ANKS1B: variants seen among roughly 807,000 people sequenced by gnomAD.
ANKS1B encodes the protein ankyrin repeat and sterile alpha motif domain-containing protein 1B.
Under a neutral mutation model 148.3 loss-of-function variants are expected in ANKS1B, and 36 were observed. The observed-to-expected ratio is 0.24, with a 90% CI of 0.19 to 0.32. ANKS1B has a LOEUF of 0.32. Ranked by LOEUF, ANKS1B falls within the 10% of genes least tolerant of loss-of-function variation. The pLI, the probability that ANKS1B is intolerant of heterozygous loss-of-function variation, is 1.00. For synonymous variants in ANKS1B, 542 were observed against 560.8 expected (o/e 0.97, Z 0.47); for missense variants, 1,157 against 1,542.6 (o/e 0.75, Z 4.19).
At chr12:99,659,428 A>T (rs2098465330) in intron 8 of ANKS1B, among the ~76,000 whole-genome samples, 1 of 151,838 alleles carries the variant, frequency 6.6e-6, no homozygotes, top group Non-Finnish European at 1.5e-5. Flanking sequence ...CTAAATCTAT[A>T]CAGTTTGAAC....
chr12:99,350,449 T>C (rs1179580922), intron 12 of ANKS1B, among the ~76,000 whole-genome samples: 1 of 152,016 alleles, frequency 6.6e-6, no homozygotes, highest in East Asian at 1.9e-4. Context: ...AGCACCAAAT[T>C]ATTTAACTTA....
At chr12:98,798,336 T>A (rs2098969511) in intron 22 of ANKS1B, among the ~76,000 whole-genome samples, 1 of 152,024 alleles carries the variant, frequency 6.6e-6, no homozygotes, top group Non-Finnish European at 1.5e-5. Flanking sequence ...GCCAGGCTGG[T>A]CTTGAACTCC....
At chr12:99,857,710 T>C (rs1020585234) in intron 1 of ANKS1B, among the ~76,000 whole-genome samples, 4 of 152,074 alleles carry the variant, frequency 2.6e-5, no homozygotes, top group Non-Finnish European at 5.9e-5. Context: ...TGGAACAGAA[T>C]AGAGAACCCA....
At chr12:99,539,931 T>G (rs1468435713) in intron 9 of ANKS1B, among the ~76,000 whole-genome samples, 1 of 151,800 alleles carries the variant, frequency 6.6e-6, no homozygotes, top group Non-Finnish European at 1.5e-5. Flanking sequence ...CACTTAATAT[T>G]CAAAGACATT....
chr12:99,200,856 G>A (rs891480586), intron 14 of ANKS1B, among the ~76,000 whole-genome samples: 5 of 152,214 alleles, frequency 3.3e-5, no homozygotes, highest in Admixed American at 6.5e-5. Flanking sequence ...TTTCTTGACT[G>A]TATGAAGGAG....
At chr12:99,489,199 G>T (rs1189292987) in intron 10 of ANKS1B, among the ~76,000 whole-genome samples, 1 of 147,234 alleles carries the variant, frequency 6.8e-6, no homozygotes, top group Non-Finnish European at 1.5e-5. Flanking sequence ...CGGAGATGAC[G>T]CCATTGCACT....
chr12:99,655,755 A>C (rs907639610), intron 8 of ANKS1B, among the ~76,000 whole-genome samples: 1 of 152,176 alleles, frequency 6.6e-6, no homozygotes, highest in African/African-American at 2.4e-5. Flanking sequence ...AATCTCACTA[A>C]AATGATGGTA....
intron 14 of ANKS1B, among the ~76,000 whole-genome samples, chr12:99,156,041 A>AATTC (rs1390132212): frequency 1.3e-5 from 2 of 152,178 alleles, no homozygotes; most frequent in Non-Finnish European, 2.9e-5. Context: ...GCCTAATACA[A>AATTC]ATTTATTGAA....
intron 1 of ANKS1B, among the ~76,000 whole-genome samples, chr12:99,916,283 C>T (rs2094168398): frequency 6.6e-6 from 1 of 152,114 alleles, no homozygotes. Context: ...CACCATATGC[C>T]AGTATATACA....
intron 14 of ANKS1B, among the ~76,000 whole-genome samples, chr12:99,241,778 A>G (rs2089382871): frequency 6.6e-6 from 1 of 152,240 alleles, no homozygotes; most frequent in Non-Finnish European, 1.5e-5. Context: ...CATCACATAA[A>G]CAGAACCAAC....
At chr12:99,585,485 A>G (rs1298882341) in intron 9 of ANKS1B, among the ~76,000 whole-genome samples, 1 of 152,000 alleles carries the variant, frequency 6.6e-6, no homozygotes. Flanking sequence ...CAGTGGCTCT[A>G]CCTTCTGGGG....
At chr12:99,247,132 T>C (rs543153604) in intron 12 of ANKS1B, among the ~76,000 whole-genome samples, 2 of 152,308 alleles carry the variant, frequency 1.3e-5, no homozygotes, top group East Asian at 3.9e-4. Flanking sequence ...ATTAATTGAA[T>C]GACTTCATTC....
chr12:99,279,719 A>G (rs2078146265), intron 12 of ANKS1B, among the ~76,000 whole-genome samples: 1 of 152,190 alleles, frequency 6.6e-6, no homozygotes, highest in Non-Finnish European at 1.5e-5. Context: ...ATTACTGAGA[A>G]ATAATAATTA....
At chr12:99,366,242 C>T (rs930822346) in intron 12 of ANKS1B, among the ~76,000 whole-genome samples, 1 of 152,176 alleles carries the variant, frequency 6.6e-6, no homozygotes, top group Non-Finnish European at 1.5e-5. Context: ...GAAGTATCTC[C>T]ATTGATGACT....
chr12:99,465,735 A>G (rs1190187004), intron 10 of ANKS1B, among the ~76,000 whole-genome samples: 1 of 152,234 alleles, frequency 6.6e-6, no homozygotes, highest in African/African-American at 2.4e-5. Context: ...TTCAACAAGA[A>G]GAGCTAACTA....
At chr12:98,804,173 G>T (rs1034043868) in intron 20 of ANKS1B, among the ~76,000 whole-genome samples, 1 of 152,122 alleles carries the variant, frequency 6.6e-6, no homozygotes, top group South Asian at 2.1e-4. Flanking sequence ...ACAAGGAAAA[G>T]AAATATAATA....
At chr12:99,165,618 G>T (rs572349255) in intron 14 of ANKS1B, among the ~76,000 whole-genome samples, 2 of 151,954 alleles carry the variant, frequency 1.3e-5, no homozygotes, top group East Asian at 3.9e-4. Flanking sequence ...TGAAGTAATT[G>T]TATTTGCAGT....
chr12:99,398,171 C>T (rs188859592), intron 12 of ANKS1B, among the ~76,000 whole-genome samples: 8 of 152,170 alleles, frequency 5.3e-5, no homozygotes, highest in East Asian at 1.9e-4. Context: ...AATATCACTC[C>T]GGCTTCCATG....
At chr12:98,747,463 G>A (rs1032843679) in intron 26 of ANKS1B, among the ~76,000 whole-genome samples, 2 of 152,156 alleles carry the variant, frequency 1.3e-5, no homozygotes, top group Non-Finnish European at 2.9e-5. Flanking sequence ...AATGGATGCT[G>A]ATGAGGCTAC....
Sources: gnomAD v4.1 joint callset for allele counts (sites outside exome capture counted in the v4.1 genomes callset) on GRCh38, gnomAD v4.1.1 for gene constraint, MANE v1.5 for transcripts, NCBI Gene and HGNC (gene_info 2026-07-23, HGNC 2026-07-21) for gene names.